MARK1: variants seen among roughly 807,000 people sequenced by gnomAD.
The protein encoded by MARK1 is serine/threonine-protein kinase MARK1.
Under a neutral mutation model 96.3 loss-of-function variants are expected in MARK1, and 40 were observed. The observed-to-expected ratio is 0.42, with a 90% CI of 0.32 to 0.54. The LOEUF is 0.54. Ranked by LOEUF, MARK1 falls within the 20% of genes least tolerant of loss-of-function variation. The pLI, the probability that MARK1 is intolerant of heterozygous loss-of-function variation, is 0.16. For synonymous variants in MARK1, 317 were observed against 341.2 expected (o/e 0.93, Z 0.78); for missense variants, 719 against 984.6 (o/e 0.73, Z 3.61).
At chr1:220,563,958 G>A (rs1005023372) in intron 1 of MARK1, among the ~76,000 whole-genome samples, 23 of 152,244 alleles carry the variant, frequency 1.5e-4, no homozygotes, top group Admixed American at 1.3e-4. Context: ...CTTCTTTATT[G>A]TGCTGTCTTC....
At chr1:220,639,469 A>C (rs978954339) in intron 13 of MARK1, among the ~76,000 whole-genome samples, 1 of 152,204 alleles carries the variant, frequency 6.6e-6, no homozygotes, top group African/African-American at 2.4e-5. Context: ...ACAGATAGAT[A>C]TAATTTATTC....
At chr1:220,631,001 A>G (rs1667651135) in intron 9 of MARK1, 34 bp from the exon 10 acceptor site, 3 of 1,423,408 alleles carry the variant, frequency 2.1e-6, no homozygotes, top group Non-Finnish European at 3.0e-6. Flanking sequence ...GAATGTTCTG[A>G]TTGACCACAC....
intron 1 of MARK1, among the ~76,000 whole-genome samples, chr1:220,553,826 A>C (rs1662049774): frequency 6.6e-6 from 1 of 152,212 alleles, no homozygotes; most frequent in Admixed American, 6.5e-5. Flanking sequence ...GGCCCACCAG[A>C]GGCTCCATAC....
chr1:220,652,928 G>T (rs1014775355), intron 15 of MARK1, among the ~76,000 whole-genome samples, 173 bp from the exon 16 acceptor site: 1 of 152,060 alleles, frequency 6.6e-6, no homozygotes, highest in Non-Finnish European at 1.5e-5. Flanking sequence ...CAAACAAAAG[G>T]TACCTAATTT....
At chr1:220,566,952 A>G (rs1361377711) in intron 1 of MARK1, among the ~76,000 whole-genome samples, 1 of 152,134 alleles carries the variant, frequency 6.6e-6, no homozygotes, top group Non-Finnish European at 1.5e-5. Context: ...ATTTTTGTTG[A>G]TAGGTAATAT....
chr1:220,602,199 GA>G (rs1665791529), intron 5 of MARK1, among the ~76,000 whole-genome samples: 1 of 152,184 alleles, frequency 6.6e-6, no homozygotes, highest in African/African-American at 2.4e-5. Flanking sequence ...CTAATGGAAT[GA>G]AAATTTTCAG....
chr1:220,656,316 G>A lies in MARK1; in HGVS notation c.1989-1474G>A, dbSNP rs535684065. 4.6e-5 allele frequency among the ~76,000 whole-genome samples: 7 copies of A among 152,274 alleles called. No individual in the cohort carries two copies. In the South Asian group the frequency reaches 1.5e-3, roughly 32 times the overall value. ...TCCAGGTAGGCAGGAACAGGGTATG[G>A]GTCAATTGCTATTTCAGTCAATTAC... On this transcript the variant is annotated intron_variant, in intron 16 of 17. Coordinates refer to ENST00000366917, the MANE Select transcript of MARK1 (RefSeq NM_018650.5).
chr1:220,607,128 A>G (rs1261391154), intron 6 of MARK1, among the ~76,000 whole-genome samples: 2 of 152,108 alleles, frequency 1.3e-5, no homozygotes, highest in Non-Finnish European at 2.9e-5. Flanking sequence ...AGCCATTTTC[A>G]CAATATTGAT....
chr1:220,556,224 A>G (rs760107856), intron 1 of MARK1, among the ~76,000 whole-genome samples: 1 of 152,154 alleles, frequency 6.6e-6, no homozygotes, highest in Non-Finnish European at 1.5e-5. Flanking sequence ...AGAAAGTTAG[A>G]AAAAACTCTG....
chr1:220,553,146 C>A (rs933600783), intron 1 of MARK1, among the ~76,000 whole-genome samples: 8 of 152,162 alleles, frequency 5.3e-5, no homozygotes, highest in Non-Finnish European at 1.0e-4. Context: ...TCACAGATTT[C>A]CTCCTTGTTA....
intron 1 of MARK1, among the ~76,000 whole-genome samples, chr1:220,542,757 C>T (rs1423009587): frequency 1.3e-5 from 2 of 152,084 alleles, no homozygotes; most frequent in Non-Finnish European, 2.9e-5. Context: ...CTCTCTTACT[C>T]TCTTATAGTT....
intron 3 of MARK1, among the ~76,000 whole-genome samples, chr1:220,589,386 G>C (rs1356133131): frequency 6.6e-6 from 1 of 152,174 alleles, no homozygotes; most frequent in African/African-American, 2.4e-5. Flanking sequence ...CAGTTGAGAA[G>C]AGAAAAGGAA....
intron 1 of MARK1, among the ~76,000 whole-genome samples, chr1:220,561,910 TTTTG>T (rs1261510157): frequency 7.9e-5 from 12 of 152,176 alleles, no homozygotes; most frequent in South Asian, 4.1e-4. Context: ...ATTGCGAGCT[TTTTG>T]TTTGTCAAGT....
chr1:220,623,351 T>G (rs1667145842), intron 9 of MARK1, among the ~76,000 whole-genome samples: 5 of 152,222 alleles, frequency 3.3e-5, no homozygotes, highest in Admixed American at 3.3e-4. Flanking sequence ...CTCTCTTCCC[T>G]TTCATGTATC....
Position 220,528,723 on chromosome 1 carries a change from G to A in MARK1, c.-100G>A, listed in dbSNP as rs1009450458. ...GCGGCCTGCGGGAGCCGCTCGCCCC[G>A]GCCTTGTGCTCGCGTCCGCACCCCT... On this transcript the variant is annotated 5_prime_UTR_variant, in exon 1 of 18. Transcript: ENST00000366917. 9.2e-7 allele frequency: 1 copy of A among 1,084,258 alleles called. No homozygotes were observed. The highest frequency in any genetic ancestry group is 1.6e-5 in the South Asian group (1 of 61,770). 67.2% of individuals were successfully genotyped at this position (1,084,258 alleles called of 1,614,324 possible). A position where few individuals can be genotyped will look rare whatever the true frequency, so the allele number is the denominator to read the frequency against.
intron 16 of MARK1, among the ~76,000 whole-genome samples, chr1:220,656,657 A>G (rs1025931969): frequency 6.6e-6 from 1 of 152,170 alleles, no homozygotes; most frequent in East Asian, 1.9e-4. Flanking sequence ...ATAAAAATGG[A>G]TTTGTATAGA....
In MARK1 at chr1:220,626,419, C is replaced by T. The variant is rs374534886; in HGVS notation, c.910-4616C>T. On this transcript the variant is annotated intron_variant, in intron 9 of 17. Transcript: ENST00000366917. ...GTATTATGCTGTTAACTACCTGCTCCGAGATGGGATTGACGACAAGTCCTA... is the reference window on the plus strand; with the variant it reads ...GTATTATGCTGTTAACTACCTGCTCTGAGATGGGATTGACGACAAGTCCTA... 55 of 545,824 alleles carry T rather than the reference C, an allele frequency of 1.0e-4. No homozygotes were observed. The Middle Eastern group carries it at 1.1e-3, about 11-fold the overall frequency. 33.8% of individuals were successfully genotyped at this position (545,824 alleles called of 1,614,324 possible).
At chr1:220,566,476 G>T (rs1054360214) in intron 1 of MARK1, among the ~76,000 whole-genome samples, 3 of 152,114 alleles carry the variant, frequency 2.0e-5, no homozygotes, top group African/African-American at 7.2e-5. Flanking sequence ...ACTATTATTG[G>T]TCAAGCAGTT....
At chr1:220,631,186 T>G in intron 10 of MARK1, 52 bp downstream of exon 10, 1 of 1,241,872 alleles carries the variant, frequency 8.1e-7, no homozygotes, top group Non-Finnish European at 1.2e-6. Context: ...CAAGTAAGAG[T>G]CCTTTAGTGT....
Sources: allele counts gnomAD v4.1 joint callset (sites outside exome capture counted in the v4.1 genomes callset), GRCh38; gene constraint gnomAD v4.1.1; transcripts MANE v1.5; gene names NCBI Gene and HGNC (gene_info 2026-07-23, HGNC 2026-07-21).